DUSP13B: variants seen among roughly 807,000 people sequenced by gnomAD.
The protein encoded by DUSP13B is dual specificity protein phosphatase 13B.
the DUSP13B span, chr10:75,105,658 C>T: frequency 6.5e-7 from 1 of 1,548,230 alleles, no homozygotes; most frequent in East Asian, 2.4e-5. Context: ...CCTGAGGCCT[C>T]ACCTGGCCCC....
At chr10:75,095,002 A>C in the DUSP13B span, 5 of 890,820 alleles carry the variant, frequency 5.6e-6, no homozygotes, top group Non-Finnish European at 8.5e-6. Context: ...TACTCTGTCA[A>C]ATGGGGCAAC....
chr10:75,107,957 C>A, the DUSP13B span: 1 of 1,580,508 alleles, frequency 6.3e-7, no homozygotes. Context: ...CATGAATGAG[C>A]AAGATGGGAT....
the DUSP13B span, chr10:75,097,906 C>A: frequency 1.3e-6 from 2 of 1,549,628 alleles, no homozygotes; most frequent in Non-Finnish European, 1.8e-6. Context: ...GTGGACACCG[C>A]AGTGGCTGGA....
At chr10:75,099,010 G>A in the DUSP13B span, 1 of 1,232,276 alleles carries the variant, frequency 8.1e-7, no homozygotes, top group Non-Finnish European at 1.0e-6. Context: ...CTGCCTACAG[G>A]CCCTGGGTTT....
the DUSP13B span, chr10:75,101,807 A>G: frequency 8.9e-7 from 1 of 1,123,836 alleles, no homozygotes; most frequent in Non-Finnish European, 1.2e-6. Context: ...CCTGGCCCTC[A>G]TTACCCAGCA....
the DUSP13B span, among the ~76,000 whole-genome samples, chr10:75,103,133 G>A: frequency 1.3e-5 from 2 of 152,190 alleles, no homozygotes; most frequent in Non-Finnish European, 2.9e-5. Flanking sequence ...GGCCTTCAAG[G>A]GTATTATAGA....
chr10:75,097,709 C>A, the DUSP13B span: 2 of 1,566,378 alleles, frequency 1.3e-6, no homozygotes, highest in Non-Finnish European at 1.7e-6. Context: ...GGGTCTTACT[C>A]ACGCATCTCC....
At chr10:75,094,832 T>G in the DUSP13B span, 2 of 1,614,128 alleles carry the variant, frequency 1.2e-6, no homozygotes, top group Non-Finnish European at 1.7e-6. Flanking sequence ...CCAGGACAAG[T>G]GTGGCAGAGC....
chr10:75,099,896 C>T, the DUSP13B span, among the ~76,000 whole-genome samples: 1 of 152,038 alleles, frequency 6.6e-6, no homozygotes, highest in Non-Finnish European at 1.5e-5. Context: ...GGGTCTGACC[C>T]GAGAATGAGA....
At chr10:75,108,519 T>G in the DUSP13B span, among the ~76,000 whole-genome samples, 1 of 152,150 alleles carries the variant, frequency 6.6e-6, no homozygotes, top group Non-Finnish European at 1.5e-5. Context: ...TGCCCCTCCC[T>G]TCTTGCCCCA....
At chr10:75,107,964 G>A in the DUSP13B span, 5 of 1,591,800 alleles carry the variant, frequency 3.1e-6, no homozygotes, top group South Asian at 2.3e-5. Flanking sequence ...GAGCAAGATG[G>A]GATATGGGCT....
chr10:75,102,204 C>A, the DUSP13B span, among the ~76,000 whole-genome samples: 1 of 152,134 alleles, frequency 6.6e-6, no homozygotes, highest in Non-Finnish European at 1.5e-5. Context: ...GGGCCGGGCG[C>A]GGTGGCTGAA....
At chr10:75,104,307 C>G in the DUSP13B span, among the ~76,000 whole-genome samples, 1 of 152,158 alleles carries the variant, frequency 6.6e-6, no homozygotes, top group Non-Finnish European at 1.5e-5. Context: ...TCCCCATGGG[C>G]CCCTTATCTT....
the DUSP13B span, chr10:75,101,902 T>C: frequency 7.3e-7 from 1 of 1,367,532 alleles, no homozygotes; most frequent in Non-Finnish European, 9.8e-7. Context: ...TGCACTTCTC[T>C]GACGGGCAGT....
the DUSP13B span, among the ~76,000 whole-genome samples, chr10:75,096,989 C>T: frequency 6.6e-6 from 1 of 152,136 alleles, no homozygotes; most frequent in Non-Finnish European, 1.5e-5. Flanking sequence ...CCACTCATAT[C>T]ATTTTAAACA....
chr10:75,097,051 GA>G, the DUSP13B span, among the ~76,000 whole-genome samples: 1 of 152,148 alleles, frequency 6.6e-6, no homozygotes, highest in Admixed American at 6.5e-5. Context: ...AAACTTTACA[GA>G]AAATAATTAA....
chr10:75,099,066 C>T, the DUSP13B span: 1 of 1,232,454 alleles, frequency 8.1e-7, no homozygotes, highest in Non-Finnish European at 1.0e-6. Context: ...TGTCAGGCCC[C>T]ACCCGGGTCA....
At chr10:75,096,347 C>T in the DUSP13B span, among the ~76,000 whole-genome samples, 2 of 151,496 alleles carry the variant, frequency 1.3e-5, no homozygotes, top group African/African-American at 2.4e-5. Flanking sequence ...GAGACTAAGG[C>T]GGGAGGATTC....
chr10:75,108,149 G>A, the DUSP13B span: 104 of 1,613,060 alleles, frequency 6.4e-5, no homozygotes, highest in African/African-American at 3.1e-4. Context: ...CCTTGTGGGC[G>A]GCGTTCAGCA....
Sources: allele counts gnomAD v4.1 joint callset (sites outside exome capture counted in the v4.1 genomes callset), GRCh38; gene constraint gnomAD v4.1.1; transcripts MANE v1.5; gene names NCBI Gene and HGNC (gene_info 2026-07-23, HGNC 2026-07-21).